Variants in SH3GLB1 observed in about 807,000 individuals in gnomAD.
SH3GLB1 encodes the protein endophilin-B1.
Under a neutral mutation model 42.0 loss-of-function variants are expected in SH3GLB1, and 17 were observed. The observed-to-expected ratio is 0.40, with a 90% CI of 0.28 to 0.61. The LOEUF is 0.61. Ranked by LOEUF, SH3GLB1 falls within the 20% of genes least tolerant of loss-of-function variation. The pLI, the probability that SH3GLB1 is intolerant of heterozygous loss-of-function variation, is 0.36. For synonymous variants in SH3GLB1, 132 were observed against 146.6 expected (o/e 0.90, Z 0.72); for missense variants, 355 against 426.3 (o/e 0.83, Z 1.47).
Position 86,704,596 on chromosome 1 carries a change from G to T in SH3GLB1, c.-304G>T, listed in dbSNP as rs1266383238. 1 of 263,594 alleles carries T rather than the reference G, an allele frequency of 3.8e-6. No individual in the cohort carries two copies. The highest frequency in any genetic ancestry group is 2.3e-5 in the African/African-American group (1 of 43,548). The allele number at this position is 263,594 out of a possible 1,614,324, so 16.3% of individuals were successfully genotyped here. Reference sequence around the variant, plus strand: ...CGCTTGTTTTTCCCTTGGGACCCGGGTCCACACGGCGGGGTCGCCCGTCCA... The same window carrying T: ...CGCTTGTTTTTCCCTTGGGACCCGGTTCCACACGGCGGGGTCGCCCGTCCA... On this transcript the variant is annotated 5_prime_UTR_variant, in exon 1 of 9. Transcript: ENST00000370558.
At chr1:86,718,615 A>C (rs556291887) in intron 2 of SH3GLB1, among the ~76,000 whole-genome samples, 123 of 152,278 alleles carry the variant, frequency 8.1e-4, no homozygotes, top group African/African-American at 2.8e-3. Context: ...ATGCGTAGGA[A>C]TCTATGTGAG....
rs1314314186 is a variant in SH3GLB1, at chr1:86,745,392, G to A, written c.*2157G>A. 6.6e-6 allele frequency: 1 copy of A among 152,154 alleles called. No individual in the cohort carries two copies. The highest frequency in any genetic ancestry group is 2.4e-5 in the African/African-American group (1 of 41,430). The allele number at this position is 152,154 out of a possible 1,614,324, so 9.4% of individuals were successfully genotyped here. A position where few individuals can be genotyped will look rare whatever the true frequency, so the allele number is the denominator to read the frequency against. On this transcript the variant is annotated 3_prime_UTR_variant, in exon 9 of 9. Transcript: ENST00000370558. ...CCCCTGTAGCATCCTGACCTACCAA[G>A]TCTATAGGCCTTGCATATCACTGTG...
chr1:86,736,469 A>G (rs1301430393), intron 7 of SH3GLB1, among the ~76,000 whole-genome samples: 2 of 152,184 alleles, frequency 1.3e-5, no homozygotes, highest in Non-Finnish European at 2.9e-5. Flanking sequence ...TTACATAACT[A>G]TATATTTGAG....
At chr1:86,710,413 C>T (rs184145114) in intron 1 of SH3GLB1, among the ~76,000 whole-genome samples, 34 of 152,084 alleles carry the variant, frequency 2.2e-4, no homozygotes, top group African/African-American at 2.4e-5. Context: ...TACAGACACG[C>T]GCCACCGTGC....
chr1:86,705,168 C>A (rs527838082), intron 1 of SH3GLB1, among the ~76,000 whole-genome samples, 197 bp downstream of exon 1: 1 of 152,188 alleles, frequency 6.6e-6, no homozygotes, highest in African/African-American at 2.4e-5. Flanking sequence ...GCCCAACCGC[C>A]GCTCCCTGGG....
intron 1 of SH3GLB1, among the ~76,000 whole-genome samples, chr1:86,714,839 A>G (rs563680320): frequency 6.6e-6 from 1 of 152,266 alleles, no homozygotes; most frequent in East Asian, 1.9e-4. Context: ...CATCACCTCT[A>G]ATGTTTAATT....
chr1:86,731,133 A>G (rs1293028809), intron 5 of SH3GLB1, among the ~76,000 whole-genome samples: 3 of 152,172 alleles, frequency 2.0e-5, no homozygotes, highest in Non-Finnish European at 4.4e-5. Context: ...GTAATTAAAC[A>G]AGAATTTAAG....
chr1:86,731,900 T>G (rs1052848547), intron 5 of SH3GLB1, among the ~76,000 whole-genome samples: 4 of 152,026 alleles, frequency 2.6e-5, no homozygotes, highest in African/African-American at 9.7e-5. Context: ...ACCAGCATGG[T>G]GAAACCCTGT....
intron 2 of SH3GLB1, among the ~76,000 whole-genome samples, chr1:86,716,980 T>G (rs1296803501): frequency 6.6e-6 from 1 of 152,202 alleles, no homozygotes; most frequent in African/African-American, 2.4e-5. Flanking sequence ...AGTAGTGACT[T>G]TTTAAATACA....
chr1:86,720,438 T>C (rs1654803415), intron 3 of SH3GLB1, among the ~76,000 whole-genome samples: 1 of 152,220 alleles, frequency 6.6e-6, no homozygotes, highest in Admixed American at 6.5e-5. Context: ...TGTTTTTCTC[T>C]TATGTATTTC....
At chr1:86,728,573 G>A in intron 5 of SH3GLB1, 2 of 692,808 alleles carry the variant, frequency 2.9e-6, no homozygotes, top group Non-Finnish European at 4.6e-6. Context: ...TGAAATAATT[G>A]GAACCATGTA....
At chr1:86,740,528 A>G (rs1467850996) in intron 7 of SH3GLB1, among the ~76,000 whole-genome samples, 3 of 152,388 alleles carry the variant, frequency 2.0e-5, no homozygotes, top group African/African-American at 4.8e-5. Context: ...ATAATTAACT[A>G]TGGACATGAA....
chr1:86,730,160 G>T, intron 5 of SH3GLB1: 1 of 1,556,626 alleles, frequency 6.4e-7, no homozygotes, highest in Non-Finnish European at 8.7e-7. Flanking sequence ...TTTAGTTGAC[G>T]TTGATTCAGT....
At chr1:86,728,365 G>A (rs1394449065) in intron 5 of SH3GLB1, 2 of 1,080,958 alleles carry the variant, frequency 1.9e-6, no homozygotes, top group Middle Eastern at 2.0e-4. Flanking sequence ...TGTGTTCATT[G>A]GTATAATGTG....
At chr1:86,740,821 A>T (rs1656023826) in intron 7 of SH3GLB1, among the ~76,000 whole-genome samples, 1 of 152,102 alleles carries the variant, frequency 6.6e-6, no homozygotes, top group Non-Finnish European at 1.5e-5. Context: ...GTAAGAGATA[A>T]TGTCAGTGAG....
intron 6 of SH3GLB1, 100 bp from the exon 7 acceptor site, chr1:86,734,979 G>T (rs998195195): frequency 3.6e-6 from 3 of 835,558 alleles, no homozygotes; most frequent in Admixed American, 4.2e-5. Context: ...TTAGATACTG[G>T]TGAGTCTACC....
chr1:86,741,238 T>G (rs1432557575), intron 7 of SH3GLB1, among the ~76,000 whole-genome samples: 1 of 152,188 alleles, frequency 6.6e-6, no homozygotes, highest in Non-Finnish European at 1.5e-5. Flanking sequence ...TGCTGATGAC[T>G]GAAATGATTT....
chr1:86,733,424 G>T (rs971765759), intron 5 of SH3GLB1, among the ~76,000 whole-genome samples: 3 of 151,922 alleles, frequency 2.0e-5, no homozygotes, highest in Admixed American at 6.6e-5. Context: ...ACCTTGTTGG[G>T]TTTTTTTTGT....
At chr1:86,722,465 G>C in intron 3 of SH3GLB1, 75 bp from the exon 4 acceptor site, 1 of 1,384,184 alleles carries the variant, frequency 7.2e-7, no homozygotes, top group Non-Finnish European at 9.7e-7. Flanking sequence ...AGACCAAATT[G>C]CTGATTTATC....
Sources: gnomAD v4.1 joint callset for allele counts (sites outside exome capture counted in the v4.1 genomes callset) on GRCh38, gnomAD v4.1.1 for gene constraint, MANE v1.5 for transcripts, NCBI Gene and HGNC (gene_info 2026-07-23, HGNC 2026-07-21) for gene names.